Variants in NLGN4Y observed in about 807,000 individuals in gnomAD.
The protein encoded by NLGN4Y is neuroligin-4, Y-linked.
A neutral mutation model predicts 8.4 loss-of-function variants in NLGN4Y; 4 were observed. The observed-to-expected ratio is 0.48, with a 90% confidence interval of 0.23 to 1.09. The LOEUF (loss-of-function observed/expected upper bound fraction) is 1.09. NLGN4Y is among the 50% of genes least tolerant of loss of function. The pLI is 0.19. For synonymous variants in NLGN4Y, 35 were observed against 75.6 expected (o/e 0.46, Z 2.78); for missense variants, 90 against 192.3 (o/e 0.47, Z 3.15).
intron 1 of NLGN4Y, among the ~76,000 whole-genome samples, chrY:14,591,171 G>T (rs2080370202): frequency 3.0e-5 from 1 of 33,042 alleles, no homozygotes; most frequent in Admixed American, 2.8e-4. Context: ...GCATGTGCCT[G>T]TCCAGTTAGT....
intron 1 of NLGN4Y, among the ~76,000 whole-genome samples, chrY:14,541,921 A>G: frequency 3.0e-5 from 1 of 33,739 alleles, no homozygotes; most frequent in Non-Finnish European, 7.3e-5. Flanking sequence ...ACCAGCTAGC[A>G]TCATAATAAC....
At chrY:14,589,191 C>T (rs2080353614) in intron 1 of NLGN4Y, among the ~76,000 whole-genome samples, 1 of 32,771 alleles carries the variant, frequency 3.1e-5, no homozygotes, top group Admixed American at 2.8e-4. Flanking sequence ...TTTGTCAGGG[C>T]GCTGATTGGT....
chrY:14,799,706 G>A (rs748534632), intron 4 of NLGN4Y, among the ~76,000 whole-genome samples: 2 of 33,033 alleles, frequency 6.1e-5, no homozygotes, highest in South Asian at 6.9e-4. Flanking sequence ...GAAAATTACC[G>A]AGGAAACACC....
intron 1 of NLGN4Y, among the ~76,000 whole-genome samples, chrY:14,595,844 C>T (rs2080395132): frequency 6.0e-5 from 2 of 33,195 alleles, no homozygotes; most frequent in African/African-American, 1.2e-4. Flanking sequence ...CATGGAGGAC[C>T]GAGGAAGGTC....
intron 1 of NLGN4Y, among the ~76,000 whole-genome samples, chrY:14,612,930 T>C (rs2080474722): frequency 3.0e-5 from 1 of 33,132 alleles, no homozygotes; most frequent in East Asian, 8.0e-4. Flanking sequence ...CCCAGGGAGA[T>C]GGGAATTTTA....
chrY:14,586,229 TAC>T (rs2080339980), intron 1 of NLGN4Y, among the ~76,000 whole-genome samples: 1 of 33,443 alleles, frequency 3.0e-5, no homozygotes, highest in Non-Finnish European at 7.4e-5. Flanking sequence ...CCTAGAGCTG[TAC>T]ACCTTGCAAG....
chrY:14,600,850 G>A (rs949393273), intron 1 of NLGN4Y, among the ~76,000 whole-genome samples: 1 of 32,738 alleles, frequency 3.1e-5, no homozygotes, highest in African/African-American at 1.2e-4. Context: ...AGCATTTATC[G>A]TTTATTTGTT....
At chrY:14,692,921 C>T in intron 2 of NLGN4Y, among the ~76,000 whole-genome samples, 4 of 33,768 alleles carry the variant, frequency 1.2e-4, no homozygotes, top group Non-Finnish European at 2.9e-4. Flanking sequence ...CCATCTCTTG[C>T]CATTGATATT....
intron 1 of NLGN4Y, among the ~76,000 whole-genome samples, chrY:14,535,666 G>A: frequency 1.7e-4 from 5 of 30,063 alleles, no homozygotes; most frequent in Non-Finnish European, 3.2e-4. Flanking sequence ...GGGGGGATGG[G>A]GCGGGAATCT....
intron 4 of NLGN4Y, among the ~76,000 whole-genome samples, chrY:14,753,513 TATATA>T (rs2081048887): frequency 3.3e-5 from 1 of 30,489 alleles, no homozygotes; most frequent in East Asian, 8.1e-4. Context: ...ATAATTATAA[TATATA>T]ATATATTTTA....
intron 1 of NLGN4Y, among the ~76,000 whole-genome samples, chrY:14,561,512 A>T (rs2150475460): frequency 3.0e-5 from 1 of 33,152 alleles, no homozygotes; most frequent in East Asian, 7.9e-4. Flanking sequence ...TGCTATTGTG[A>T]ATAGTGCCTC....
Position 14,704,742 on chromosome Y carries a change from G to T in NLGN4Y, c.473-14717G>T, listed in dbSNP as rs928367771. 9.0e-4 allele frequency among the ~76,000 whole-genome samples: 30 copies of T among 33,233 alleles called. No homozygotes were observed. The East Asian group carries it at 0.014, about 15-fold the overall frequency. The allele number at this position is 33,233 out of a possible 37,273, so 89.2% of individuals were successfully genotyped here. A position where few individuals can be genotyped will look rare whatever the true frequency, so the allele number is the denominator to read the frequency against. On this transcript the variant is annotated intron_variant, in intron 2 of 6. Transcript: ENST00000684976. ...AATAGTTTCAGAAGGAATGGTACCA[G>T]CTCCTCCTTGTACCTCTGGTAGAAT...
chrY:14,630,129 A>C, intron 2 of NLGN4Y, among the ~76,000 whole-genome samples: 1 of 33,518 alleles, frequency 3.0e-5, no homozygotes, highest in Non-Finnish European at 7.3e-5. Flanking sequence ...TTGTAGACGG[A>C]ATTATGTTTG....
At chrY:14,756,866 CATATATATATATAT>C (rs145217639) in intron 4 of NLGN4Y, among the ~76,000 whole-genome samples, 16 of 2,172 alleles carry the variant, frequency 7.4e-3, no homozygotes, top group African/African-American at 9.8e-3. Context: ...ATATTTTATA[CATATATATATATAT>C]ATATATATAT....
At chrY:14,832,108 T>C (rs2043181801) in intron 6 of NLGN4Y, among the ~76,000 whole-genome samples, 9 of 34,672 alleles carry the variant, frequency 2.6e-4, no homozygotes, top group Admixed American at 2.3e-3. Context: ...AACATGTGCA[T>C]GTCACCCAGG....
intron 1 of NLGN4Y, among the ~76,000 whole-genome samples, chrY:14,595,711 C>A: frequency 3.0e-5 from 1 of 33,198 alleles, no homozygotes. Context: ...AAATTACCCG[C>A]AGTTTTGGTT....
At chrY:14,568,058 G>C (rs2080258711) in intron 1 of NLGN4Y, among the ~76,000 whole-genome samples, 1 of 31,703 alleles carries the variant, frequency 3.2e-5, no homozygotes, top group Non-Finnish European at 7.6e-5. Context: ...TGCCATGCTG[G>C]TGTGCTACAC....
At chrY:14,584,915 T>C (rs2150487973) in intron 1 of NLGN4Y, among the ~76,000 whole-genome samples, 1 of 32,096 alleles carries the variant, frequency 3.1e-5, no homozygotes, top group Non-Finnish European at 7.5e-5. Flanking sequence ...GTTGCCAGCC[T>C]GGACAACAAA....
At chrY:14,755,694 G>A in intron 4 of NLGN4Y, among the ~76,000 whole-genome samples, 1 of 32,670 alleles carries the variant, frequency 3.1e-5, no homozygotes, top group Non-Finnish European at 7.5e-5. Context: ...ATAAAAATTA[G>A]CCAGGTGTGG....
Sources: allele counts gnomAD v4.1 joint callset (sites outside exome capture counted in the v4.1 genomes callset), GRCh38; gene constraint gnomAD v4.1.1; transcripts MANE v1.5; gene names NCBI Gene and HGNC (gene_info 2026-07-23, HGNC 2026-07-21).